VRK2: variants seen among roughly 807,000 people sequenced by gnomAD.
VRK2 encodes serine/threonine-protein kinase VRK2.
Under a neutral mutation model 57.6 loss-of-function variants are expected in VRK2, and 60 were observed. The ratio of observed to expected loss-of-function variants is 1.04; its 90% CI spans 0.85 to 1.29. VRK2 has a LOEUF of 1.29. VRK2 is among the 50% of genes most tolerant of loss of function. The pLI is 0.00. For missense variants in VRK2, 705 were observed against 588.1 expected, an observed-to-expected ratio of 1.20 and a Z score of -2.06; for synonymous variants, 231 against 199.2, an observed-to-expected ratio of 1.16 and a Z score of -1.35.
intron 8 of VRK2, among the ~76,000 whole-genome samples, chr2:58,127,425 G>C (rs1678532919): frequency 6.6e-6 from 1 of 152,068 alleles, no homozygotes; most frequent in Admixed American, 6.6e-5. Flanking sequence ...CACAAAACTA[G>C]GGCTTAATTT....
At chr2:57,990,901 A>C (rs1480295985) in intron 1 of VRK2, among the ~76,000 whole-genome samples, 1 of 151,902 alleles carries the variant, frequency 6.6e-6, no homozygotes, top group Non-Finnish European at 1.5e-5. Context: ...ACACACAATT[A>C]AACAAAAGTA....
At chr2:57,982,521 C>T (rs1389132538) in intron 1 of VRK2, among the ~76,000 whole-genome samples, 1 of 152,136 alleles carries the variant, frequency 6.6e-6, no homozygotes, top group Non-Finnish European at 1.5e-5. Flanking sequence ...TATGCAATGG[C>T]TGTGGGAGGC....
intron 1 of VRK2, among the ~76,000 whole-genome samples, chr2:58,019,894 G>A (rs1411664850): frequency 4.6e-5 from 7 of 152,126 alleles, no homozygotes; most frequent in South Asian, 2.1e-4. Flanking sequence ...TTTAGAAGGC[G>A]AATACAAATA....
At chr2:58,100,782 C>G (rs1673844989) in intron 7 of VRK2, among the ~76,000 whole-genome samples, 1 of 151,578 alleles carries the variant, frequency 6.6e-6, no homozygotes, top group East Asian at 1.9e-4. Context: ...TTAAGGTTCT[C>G]TCAGTATTAT....
At chr2:57,978,358 T>A (rs1672313220) in intron 1 of VRK2, among the ~76,000 whole-genome samples, 1 of 151,102 alleles carries the variant, frequency 6.6e-6, no homozygotes, top group Non-Finnish European at 1.5e-5. Flanking sequence ...TGGGACATAA[T>A]GCTTTACTTT....
chr2:57,920,634 G>A (rs1284869112), intron 1 of VRK2, among the ~76,000 whole-genome samples: 9 of 151,954 alleles, frequency 5.9e-5, no homozygotes, highest in Non-Finnish European at 1.0e-4. Context: ...AAACACTGAA[G>A]ACTGCTATTC....
rs1670458860 is a variant in VRK2 at position 57,924,213 on chromosome 2, T to C, written c.-439+16374T>C. On this transcript the variant is annotated intron_variant, in intron 1 of 15. Coordinates refer to the VRK2 transcript ENST00000417641. ...ATAGCTTTGGCTATTCTAGGTCTTT[T>C]GTGATTCCATATAAATTTTAGAATT... Among the ~76,000 whole-genome samples the C allele has an allele frequency of 2.6e-5, 4 of 152,098 alleles. No homozygotes were observed. The South Asian group carries it at 8.3e-4, about 31-fold the overall frequency.
At chr2:57,994,620 C>T (rs1314941160) in intron 1 of VRK2, among the ~76,000 whole-genome samples, 1 of 152,028 alleles carries the variant, frequency 6.6e-6, no homozygotes, top group African/African-American at 2.4e-5. Context: ...AAGTCAATAC[C>T]AGCCGTTCCC....
chr2:58,054,977 T>C lies in VRK2; in HGVS notation c.136+6010T>C, dbSNP rs577831478. On this transcript the variant is annotated intron_variant, in intron 2 of 12. Coordinates refer to ENST00000340157, the MANE Select transcript of VRK2 (RefSeq NM_006296.7). The stretch of plus-strand genomic sequence containing the variant: ...TTTGTTAGCCAGGTAGATTTATCTT[T>C]TCTTTAACATCTTCGATCAAGTAAT... 2.7e-4 allele frequency among the ~76,000 whole-genome samples: 41 copies of C among 152,318 alleles called. 1 individual carries two copies. Among genetic ancestry groups the C allele is most frequent in the Non-Finnish European group, 5.1e-4 (35 of 68,018 alleles).
intron 2 of VRK2, 97 bp from the exon 3 acceptor site, chr2:58,083,992 C>T: frequency 7.8e-7 from 1 of 1,289,414 alleles, no homozygotes; most frequent in Non-Finnish European, 1.1e-6. Context: ...AATAAACTTA[C>T]ATATGTAAAA....
chr2:57,995,093 T>A (rs1672885360), intron 1 of VRK2, among the ~76,000 whole-genome samples: 1 of 152,184 alleles, frequency 6.6e-6, no homozygotes, highest in African/African-American at 2.4e-5. Flanking sequence ...CAATGATACA[T>A]GACAAGTGGC....
upstream of VRK2, among the ~76,000 whole-genome samples, chr2:58,046,306 T>G (rs1469653550): frequency 6.6e-6 from 1 of 152,254 alleles, no homozygotes; most frequent in Non-Finnish European, 1.5e-5. Context: ...TATCCTACGA[T>G]TAATGGCAGA....
rs1187384500 is a variant in VRK2 at position 57,938,647 on chromosome 2, G to A, written c.-439+30808G>A. Among the ~76,000 whole-genome samples, 2 of 151,656 alleles carry A rather than the reference G, an allele frequency of 1.3e-5. 1 individual carries two copies. Among genetic ancestry groups the A allele is most frequent in the South Asian group, 4.2e-4 (2 of 4,802 alleles). Reference sequence around the variant, plus strand: ...ATGGCTTTCATTATACTTCTTTTAGGTTACTCCCATCTAGTAGCTGGAAAA... The same window carrying A: ...ATGGCTTTCATTATACTTCTTTTAGATTACTCCCATCTAGTAGCTGGAAAA... On this transcript the variant is annotated intron_variant, in intron 1 of 15. Transcript: ENST00000417641.
At chr2:58,118,314 T>C (rs1057448346) in intron 7 of VRK2, among the ~76,000 whole-genome samples, 9 of 152,208 alleles carry the variant, frequency 5.9e-5, no homozygotes, top group Non-Finnish European at 8.8e-5. Flanking sequence ...GGGTGAATAA[T>C]CAGAGAGGTG....
intron 1 of VRK2, among the ~76,000 whole-genome samples, chr2:58,002,036 G>T (rs747473921): frequency 2.0e-5 from 3 of 152,038 alleles, no homozygotes; most frequent in Non-Finnish European, 4.4e-5. Context: ...AATTCCTACC[G>T]TATTTCACAA....
intron 2 of VRK2, among the ~76,000 whole-genome samples, chr2:58,060,446 A>G (rs1447730229): frequency 1.3e-5 from 2 of 151,874 alleles, no homozygotes; most frequent in African/African-American, 2.4e-5. Flanking sequence ...AGTTAAATTT[A>G]TAAATGATCT....
At chr2:58,037,772 T>C (rs1467655588) in intron 3 of VRK2, among the ~76,000 whole-genome samples, 1 of 152,066 alleles carries the variant, frequency 6.6e-6, no homozygotes, top group African/African-American at 2.4e-5. Context: ...TTTCAGAAAA[T>C]GATCAAACTG....
chr2:58,063,945 G>A (rs1668259944), intron 2 of VRK2, among the ~76,000 whole-genome samples: 1 of 152,092 alleles, frequency 6.6e-6, no homozygotes, highest in Non-Finnish European at 1.5e-5. Context: ...ACTTTGCGGG[G>A]TTCAAGCCTT....
At chr2:58,054,044 TA>T (rs1676150997) in intron 2 of VRK2, among the ~76,000 whole-genome samples, 1 of 152,102 alleles carries the variant, frequency 6.6e-6, no homozygotes, top group African/African-American at 2.4e-5. Flanking sequence ...AAAGTCTCTA[TA>T]AGATGTATTT....
Sources: gnomAD v4.1 joint callset for allele counts (sites outside exome capture counted in the v4.1 genomes callset) on GRCh38, gnomAD v4.1.1 for gene constraint, MANE v1.5 for transcripts, NCBI Gene and HGNC (gene_info 2026-07-23, HGNC 2026-07-21) for gene names.